The following GRID2 variants were observed in gnomAD, a reference collection of about 807,000 sequenced individuals.
The protein encoded by GRID2 is glutamate ionotropic receptor delta type subunit 2, also known as glutamate receptor ionotropic, delta-2.
In GRID2, 33 loss-of-function variants were observed where a neutral mutation model predicts 114.8. The observed-to-expected ratio is 0.29, with a 90% confidence interval of 0.22 to 0.38. The LOEUF (loss-of-function observed/expected upper bound fraction) is 0.38. Ranked by LOEUF, GRID2 falls within the 10% of genes least tolerant of loss-of-function variation. GRID2 has a pLI of 1.00. For missense variants in GRID2, 1,184 were observed against 1,257.7 expected (o/e 0.94, Z 0.89); for synonymous variants, 505 against 449.9 (o/e 1.12, Z -1.55).
intron 14 of GRID2, among the ~76,000 whole-genome samples, chr4:93,755,854 C>T (rs1489743505): frequency 6.6e-6 from 1 of 152,126 alleles, no homozygotes; most frequent in Admixed American, 6.5e-5. Flanking sequence ...GAAAACAATT[C>T]AGTTTCTTCA....
At chr4:93,645,104 G>A (rs1721989772) in intron 14 of GRID2, among the ~76,000 whole-genome samples, 1 of 152,124 alleles carries the variant, frequency 6.6e-6, no homozygotes, top group Non-Finnish European at 1.5e-5. Context: ...AAAGTCAAAG[G>A]CCTGACCTGG....
rs921500017 is a variant in GRID2 at position 93,499,468 on chromosome 4, C to T, written c.1997+8691C>T. ...CACCCACATTTCTGTCCAGGGGCAC[C>T]AACAAATTCCTTCTCACTTTTTCAT... On this transcript the variant is annotated intron_variant, in intron 12 of 15. Coordinates refer to ENST00000282020, the MANE Select transcript of GRID2 (RefSeq NM_001510.4). 2.0e-5 allele frequency among the ~76,000 whole-genome samples: 3 copies of T among 151,816 alleles called. No individual in the cohort carries two copies. In the South Asian group the frequency reaches 6.2e-4, roughly 31 times the overall value.
At chr4:93,148,289 A>G (rs764520281) in intron 4 of GRID2, among the ~76,000 whole-genome samples, 1 of 152,152 alleles carries the variant, frequency 6.6e-6, no homozygotes, top group Admixed American at 6.6e-5. Flanking sequence ...ACTACTGCCA[A>G]CTTCATAAAT....
intron 2 of GRID2, among the ~76,000 whole-genome samples, chr4:93,035,455 C>A (rs1724847876): frequency 6.6e-6 from 1 of 152,036 alleles, no homozygotes; most frequent in Non-Finnish European, 1.5e-5. Flanking sequence ...ATTGTTTGAG[C>A]AATGAGTTAC....
chr4:93,317,630 T>G (rs1016601156), intron 8 of GRID2, among the ~76,000 whole-genome samples: 8 of 152,074 alleles, frequency 5.3e-5, no homozygotes, highest in Non-Finnish European at 1.0e-4. Context: ...GCATTTAATT[T>G]CCTGTTGTTA....
At chr4:93,344,687 C>T (rs1760022349) in intron 8 of GRID2, among the ~76,000 whole-genome samples, 1 of 148,966 alleles carries the variant, frequency 6.7e-6, no homozygotes. Flanking sequence ...TTATTATTAA[C>T]TATAGTCATA....
At chr4:93,755,964 A>G (rs1457466907) in intron 14 of GRID2, among the ~76,000 whole-genome samples, 1 of 152,226 alleles carries the variant, frequency 6.6e-6, no homozygotes, top group Admixed American at 6.5e-5. Context: ...TTGTATATGA[A>G]GAATTTGCTT....
At chr4:93,421,610 A>G (rs1233558122) in intron 9 of GRID2, among the ~76,000 whole-genome samples, 1 of 152,206 alleles carries the variant, frequency 6.6e-6, no homozygotes, top group Non-Finnish European at 1.5e-5. Context: ...ATAATTGGTT[A>G]CATTGTTTTT....
chr4:92,404,887 G>A (rs774550399), intron 1 of GRID2, among the ~76,000 whole-genome samples: 14 of 152,120 alleles, frequency 9.2e-5, no homozygotes, highest in Non-Finnish European at 1.9e-4. Flanking sequence ...TTGGGCTGGT[G>A]GGGAGGGAGA....
rs569339704 is a variant in GRID2 at position 93,533,756 on chromosome 4, G to T, written c.2193+18345G>T. On this transcript the variant is annotated intron_variant, in intron 13 of 15. Transcript: ENST00000282020. ...CTCCACCATTATTACCCTGGTCCAA[G>T]CCATCACTGTCTCTTTCCTGGATTA... is the stretch of plus-strand genomic sequence containing the variant. Among the ~76,000 whole-genome samples the T allele has an allele frequency of 3.5e-4, 53 of 151,860 alleles. 1 individual carries two copies. Among genetic ancestry groups the T allele is most frequent in the African/African-American group, 1.3e-3 (52 of 41,422 alleles).
At chr4:93,633,834 C>A (rs532129179) in intron 14 of GRID2, among the ~76,000 whole-genome samples, 1 of 152,224 alleles carries the variant, frequency 6.6e-6, no homozygotes, top group South Asian at 2.1e-4. Flanking sequence ...ACAGCATAAT[C>A]CTAATCCTTT....
intron 1 of GRID2, among the ~76,000 whole-genome samples, chr4:93,788,367 G>C (rs1734634768): frequency 6.6e-6 from 1 of 151,852 alleles, no homozygotes; most frequent in Non-Finnish European, 1.5e-5. Context: ...AAAACATTGA[G>C]AATTGGAGTC....
chr4:93,214,762 C>T (rs1448776926), intron 5 of GRID2, among the ~76,000 whole-genome samples: 1 of 152,024 alleles, frequency 6.6e-6, no homozygotes, highest in Non-Finnish European at 1.5e-5. Context: ...AAAATGTCCT[C>T]TTAAAGGATT....
chr4:93,193,724 G>T lies in GRID2; in HGVS notation c.736-13680G>T, dbSNP rs187011459. Among the ~76,000 whole-genome samples, 14 of 152,294 alleles carry T rather than the reference G, an allele frequency of 9.2e-5. No homozygotes were observed. The East Asian group carries it at 2.7e-3, about 29-fold the overall frequency. On this transcript the variant is annotated intron_variant, in intron 4 of 15. Coordinates refer to ENST00000282020, the MANE Select transcript of GRID2 (RefSeq NM_001510.4). ...CTGTGAAATTGTGCTAAATAGAGAT[G>T]TATGCTAACTGTGAAACACTGATAA...
intron 2 of GRID2, among the ~76,000 whole-genome samples, chr4:92,926,339 A>T (rs185050166): frequency 2.0e-5 from 3 of 152,012 alleles, no homozygotes; most frequent in African/African-American, 7.2e-5. Context: ...TTTTATATCT[A>T]TGAAAGCTAC....
chr4:93,648,425 AG>A (rs1415277245), intron 14 of GRID2, among the ~76,000 whole-genome samples: 1 of 152,238 alleles, frequency 6.6e-6, no homozygotes, highest in African/African-American at 2.4e-5. Flanking sequence ...AGAAATGACT[AG>A]AAACATGCCT....
chr4:93,461,025 A>G (rs1012873914), intron 11 of GRID2, among the ~76,000 whole-genome samples: 1 of 152,200 alleles, frequency 6.6e-6, no homozygotes, highest in Admixed American at 6.5e-5. Flanking sequence ...CCAGGAAAAA[A>G]GATAAATAGA....
intron 10 of GRID2, among the ~76,000 whole-genome samples, chr4:93,439,900 T>C (rs569501309): frequency 9.1e-4 from 138 of 152,058 alleles, no homozygotes; most frequent in African/African-American, 3.3e-3. Context: ...CAGCAGAACA[T>C]GCTGCAGGGA....
intron 1 of GRID2, among the ~76,000 whole-genome samples, chr4:92,441,243 G>A (rs935363987): frequency 3.3e-5 from 5 of 152,122 alleles, no homozygotes; most frequent in African/African-American, 9.7e-5. Flanking sequence ...GGGAGAGCAC[G>A]TGTGTTTTTA....
Sources: allele counts gnomAD v4.1 joint callset (sites outside exome capture counted in the v4.1 genomes callset), GRCh38; gene constraint gnomAD v4.1.1; transcripts MANE v1.5; gene names NCBI Gene and HGNC (gene_info 2026-07-23, HGNC 2026-07-21).